PTPRM: variants seen among roughly 807,000 people sequenced by gnomAD.
PTPRM encodes the protein receptor-type tyrosine-protein phosphatase mu.
Under a neutral mutation model 186.7 loss-of-function variants are expected in PTPRM, and 47 were observed. That is an observed-to-expected ratio of 0.25 (90% CI 0.20 to 0.32). PTPRM has a LOEUF of 0.32. PTPRM is among the 10% of genes least tolerant of loss of function. PTPRM has a pLI of 1.00. For synonymous variants in PTPRM, 668 were observed against 674.9 expected (o/e 0.99, Z 0.16); for missense variants, 1,494 against 1,865.0 (o/e 0.80, Z 3.66).
chr18:8,323,163 G>A (rs1251065604), intron 22 of PTPRM, among the ~76,000 whole-genome samples: 2 of 152,106 alleles, frequency 1.3e-5, no homozygotes, highest in Non-Finnish European at 2.9e-5. Flanking sequence ...TACCTCAAGA[G>A]TCAGATAACT....
intron 1 of PTPRM, among the ~76,000 whole-genome samples, chr18:7,640,847 T>C (rs1199056533): frequency 6.6e-6 from 1 of 152,178 alleles, no homozygotes; most frequent in Non-Finnish European, 1.5e-5. Flanking sequence ...TACTTAGTTT[T>C]CATTTTAGAG....
Position 8,266,164 on chromosome 18 carries a change from G to A in PTPRM, c.2754+12750G>A, listed in dbSNP as rs538511831. On this transcript the variant is annotated intron_variant, in intron 19 of 32. Coordinates refer to ENST00000580170, the MANE Select transcript of PTPRM (RefSeq NM_001105244.2). The stretch of plus-strand genomic sequence containing the variant: ...CCATCTCCAAAACACTGGGAAGTCT[G>A]CATTGAGATGATAAGGTTATAGTAT... Among the ~76,000 whole-genome samples, 10 of 152,170 alleles carry A rather than the reference G, an allele frequency of 6.6e-5. No individual in the cohort carries two copies. In the South Asian group the frequency reaches 1.9e-3, roughly 28 times the overall value.
chr18:8,163,450 C>T (rs2093267542), intron 14 of PTPRM, among the ~76,000 whole-genome samples: 3 of 152,296 alleles, frequency 2.0e-5, no homozygotes, highest in Admixed American at 1.3e-4. Context: ...GTATAATTAG[C>T]GGGAAGTGTC....
intron 1 of PTPRM, among the ~76,000 whole-genome samples, chr18:7,739,249 G>C (rs552266407): frequency 6.6e-6 from 1 of 152,218 alleles, no homozygotes; most frequent in South Asian, 2.1e-4. Flanking sequence ...GGTCGACGTT[G>C]AGTTCTTTGA....
intron 20 of PTPRM, among the ~76,000 whole-genome samples, chr18:8,297,988 C>A (rs1415200855): frequency 6.6e-6 from 1 of 152,162 alleles, no homozygotes; most frequent in African/African-American, 2.4e-5. Context: ...GGGATGCATT[C>A]TTGATACTGG....
At chr18:7,894,503 G>A (rs1291718932) in intron 3 of PTPRM, among the ~76,000 whole-genome samples, 4 of 151,858 alleles carry the variant, frequency 2.6e-5, no homozygotes, top group Admixed American at 6.6e-5. Context: ...GGAGAATGGC[G>A]TGAACCTGGC....
intron 5 of PTPRM, among the ~76,000 whole-genome samples, chr18:7,931,178 G>T (rs1309495119): frequency 6.6e-6 from 1 of 152,112 alleles, no homozygotes; most frequent in Non-Finnish European, 1.5e-5. Context: ...GACTGCAACA[G>T]TGTGAGATAC....
At chr18:8,303,869 TCCTGAGTTGCAGGCA>T (rs1156429948) in intron 20 of PTPRM, among the ~76,000 whole-genome samples, 4 of 152,270 alleles carry the variant, frequency 2.6e-5, no homozygotes, top group African/African-American at 9.6e-5. Flanking sequence ...GCCAAGCACT[TCCTGAGTTGCAGGCA>T]CACTGGGTCT....
chr18:8,223,623 T>C (rs2094180061), intron 14 of PTPRM, among the ~76,000 whole-genome samples: 1 of 152,130 alleles, frequency 6.6e-6, no homozygotes, highest in African/African-American at 2.4e-5. Context: ...CAAAGTTACA[T>C]GATTGAAAAA....
chr18:8,000,289 G>A (rs1211401388), intron 7 of PTPRM, among the ~76,000 whole-genome samples: 2 of 152,168 alleles, frequency 1.3e-5, no homozygotes, highest in Non-Finnish European at 2.9e-5. Context: ...GTAGATAGTT[G>A]AATATGATGC....
intron 19 of PTPRM, among the ~76,000 whole-genome samples, chr18:8,295,084 A>G (rs2095081500): frequency 6.6e-6 from 1 of 152,348 alleles, no homozygotes; most frequent in African/African-American, 2.4e-5. Context: ...GGGAGTCCAC[A>G]GCCTGGTGGC....
intron 7 of PTPRM, among the ~76,000 whole-genome samples, chr18:8,006,769 A>T (rs183620272): frequency 5.4e-4 from 82 of 152,152 alleles, no homozygotes; most frequent in African/African-American, 1.5e-3. Context: ...CACCCAGAAC[A>T]CTCGTGTGGG....
At chr18:7,736,136 G>T (rs1200122303) in intron 1 of PTPRM, among the ~76,000 whole-genome samples, 1 of 152,140 alleles carries the variant, frequency 6.6e-6, no homozygotes, top group Admixed American at 6.5e-5. Flanking sequence ...ATTTTATAGA[G>T]TTTGGCTTTT....
At position 7,906,448 on chromosome 18, in the gene PTPRM, A is replaced by T. The variant is rs368286436; in HGVS notation, c.469-57A>T. 1.2e-3 allele frequency: 1,585 copies of T among 1,337,978 alleles called. 37 individuals are homozygous for T. In the South Asian group the frequency reaches 0.017, roughly 15 times the overall value. 82.9% of individuals were successfully genotyped at this position (1,337,978 alleles called of 1,614,324 possible). On this transcript the variant is annotated intron_variant, in intron 3 of 32. Coordinates refer to ENST00000580170, the MANE Select transcript of PTPRM (RefSeq NM_001105244.2). ...ATTATGTGTCTTATATATAGGAGAT[A>T]CTTGGTAAAAGTAAGACAAAATGAA...
chr18:7,638,558 A>G lies in PTPRM; in HGVS notation c.73+70667A>G, dbSNP rs183880883. 3.8e-3 allele frequency among the ~76,000 whole-genome samples: 580 copies of G among 152,310 alleles called. 12 individuals are homozygous for G. Among genetic ancestry groups the G allele is most frequent in the Middle Eastern group, 3.4e-3 (1 of 294 alleles). On this transcript the variant is annotated intron_variant, in intron 1 of 32. Transcript: ENST00000580170. ...ATTTTGTGTCTGCCCTAGTTTTTTA[A>G]TGATTTTAAGTGCATTTTTAATGGT...
intron 2 of PTPRM, among the ~76,000 whole-genome samples, chr18:7,786,339 T>C (rs1166894966): frequency 6.6e-6 from 1 of 152,184 alleles, no homozygotes; most frequent in African/African-American, 2.4e-5. Flanking sequence ...AGTGGCACTT[T>C]TAGAGAGGGT....
intron 14 of PTPRM, among the ~76,000 whole-genome samples, chr18:8,210,519 AT>A (rs2093988882): frequency 6.6e-6 from 1 of 152,098 alleles, no homozygotes; most frequent in Admixed American, 6.5e-5. Flanking sequence ...CTGCATCTGG[AT>A]TTTGGGTTTC....
intron 7 of PTPRM, among the ~76,000 whole-genome samples, chr18:8,009,734 A>T (rs2084410274): frequency 6.6e-6 from 1 of 152,164 alleles, no homozygotes; most frequent in Non-Finnish European, 1.5e-5. Flanking sequence ...AAAAAATAAA[A>T]AAATCACTTT....
At chr18:8,361,755 C>T (rs2095598457) in intron 23 of PTPRM, among the ~76,000 whole-genome samples, 1 of 152,196 alleles carries the variant, frequency 6.6e-6, no homozygotes, top group African/African-American at 2.4e-5. Context: ...CACAAGATCA[C>T]AGAGCTAGAT....
Sources: gnomAD v4.1 joint callset for allele counts (sites outside exome capture counted in the v4.1 genomes callset) on GRCh38, gnomAD v4.1.1 for gene constraint, MANE v1.5 for transcripts, NCBI Gene and HGNC (gene_info 2026-07-23, HGNC 2026-07-21) for gene names.